Variants in ADAMTS13 observed in about 807,000 individuals in gnomAD.
ADAMTS13 encodes A disintegrin and metalloproteinase with thrombospondin motifs 13.
Under a neutral mutation model 155.1 loss-of-function variants are expected in ADAMTS13, and 110 were observed. The ratio of observed to expected loss-of-function variants is 0.71; its 90% CI spans 0.61 to 0.83. The LOEUF (loss-of-function observed/expected upper bound fraction) is 0.83, where lower values mean the gene tolerates loss of function less well. Ranked by LOEUF, ADAMTS13 falls within the 40% of genes least tolerant of loss-of-function variation. The pLI is 0.00. For synonymous variants in ADAMTS13, 758 were observed against 756.4 expected, an observed-to-expected ratio of 1.00 and a Z score of -0.03; for missense variants, 1,707 against 1,891.7, an observed-to-expected ratio of 0.90 and a Z score of 1.81.
chr9:133,430,896 G>A (rs1840709563), intron 8 of ADAMTS13, among the ~76,000 whole-genome samples: 1 of 151,982 alleles, frequency 6.6e-6, no homozygotes, highest in East Asian at 1.9e-4. Flanking sequence ...TCCTGACCTC[G>A]TGATCCGCCC....
Position 133,449,923 on chromosome 9 carries a change from C to T in ADAMTS13, c.3002C>T (p.Pro1001Leu), listed in dbSNP as rs782536497. ...ACCCAGTGCCAGGGGCTGCCTCGCC[C>T]GGAACCCCAGGAGGCCTGCAGCCTG... ...LDTQCQGLPR[P>L]EPQEACSLEP... The change falls in exon 23 of 29, where the codon CCG (proline) becomes CTG (leucine). Residue 1001 changes from proline (P) to leucine (L), a missense_variant. This residue lies in a region of ADAMTS13 where 961 missense variants were observed against 1,107.9 expected (regional missense o/e 0.87). Transcript: ENST00000355699. 9.3e-6 allele frequency: 15 copies of T among 1,611,840 alleles called. No homozygotes were observed. The highest frequency in any genetic ancestry group is 4.5e-5 in the East Asian group (2 of 44,858).
rs1554787819 is a variant in ADAMTS13 at position 133,432,646 on chromosome 9, G to T, written c.1046G>T (p.Arg349Leu). The T allele has an allele frequency of 6.4e-7, 1 of 1,559,728 alleles. No individual in the cohort carries two copies. The highest frequency in any genetic ancestry group is 1.2e-5 in the South Asian group (1 of 84,780). ...CCGCTGGACCAAAGCAGCTGCAGCCGCCTCCTCGTTCCTCTCCTGGATGGG... is the reference window on the plus strand; with the variant it reads ...CCGCTGGACCAAAGCAGCTGCAGCCTCCTCCTCGTTCCTCTCCTGGATGGG... ...TDPLDQSSCS[R>L]LLVPLLDGTE... Residue 349 changes from arginine (R) to leucine (L), a missense_variant, in exon 9 of 29, where the codon CGC (arginine) becomes CTC (leucine). By Grantham distance (102) the Arg-to-Leu change is moderately radical (BLOSUM62 -2). Transcript: ENST00000355699.
chr9:133,452,994 G>A (rs1842524872), intron 23 of ADAMTS13, among the ~76,000 whole-genome samples: 1 of 152,136 alleles, frequency 6.6e-6, no homozygotes. Context: ...GTGGCCCAGT[G>A]CCCTCCCTGA....
chr9:133,440,285 G>T lies in ADAMTS13; in HGVS notation c.1787-59G>T. 6.2e-7 allele frequency: 1 copy of T among 1,607,024 alleles called. No homozygotes were observed. The highest frequency in any genetic ancestry group is 1.7e-5 in the Admixed American group (1 of 60,026). On this transcript the variant is annotated intron_variant, in intron 15 of 28. Transcript: ENST00000355699. The surrounding 1 kb of genome is among the most constrained non-coding windows in gnomAD (Gnocchi z 4.3). ...CCGGGAAGGAGAGTCACTGACATGT[G>T]CCTGTGAGGAGGATGGGTGCTCAGC...
At chr9:133,423,242 T>G (rs1554784114) in intron 2 of ADAMTS13, 75 bp downstream of exon 2, 1 of 1,419,102 alleles carries the variant, frequency 7.0e-7, no homozygotes, top group African/African-American at 1.4e-5. Flanking sequence ...ACTGAGTCAG[T>G]GGTCTGGGAT....
intron 7 of ADAMTS13, among the ~76,000 whole-genome samples, chr9:133,429,184 ACCC>A (rs1840528442): frequency 1.9e-4 from 1 of 5,344 alleles, no homozygotes; most frequent in African/African-American, 7.8e-4. Context: ...CCCCCGTCCC[ACCC>A]ACCTGCCCCA....
In ADAMTS13 at chr9:133,435,590, C is replaced by T. The variant is rs143098080; in HGVS notation, c.1309-1239C>T. Among the ~76,000 whole-genome samples the T allele has an allele frequency of 4.6e-3, 692 of 149,624 alleles. 5 individuals are homozygous for T. Among genetic ancestry groups the T allele is most frequent in the African/African-American group, 0.016 (652 of 40,526 alleles). On this transcript the variant is annotated intron_variant, in intron 11 of 28. Transcript: ENST00000355699. ...TGTCGCCCAAGCTGGAGTGCGGTGG[C>T]GCGATCTCGGCTCACTCTAAGCTCC...
chr9:133,419,186 G>A (rs1035738143), upstream of ADAMTS13, among the ~76,000 whole-genome samples: 1 of 152,192 alleles, frequency 6.6e-6, no homozygotes, highest in Non-Finnish European at 1.5e-5. Flanking sequence ...AGAGGTTGAT[G>A]GAGTAACAGG....
chr9:133,431,348 A>T (rs587691940), intron 8 of ADAMTS13, among the ~76,000 whole-genome samples: 4 of 143,544 alleles, frequency 2.8e-5, no homozygotes, highest in Non-Finnish European at 6.0e-5. Context: ...TTTTTTTGAG[A>T]CAGAGTCTCA....
intron 23 of ADAMTS13, among the ~76,000 whole-genome samples, chr9:133,452,375 C>CT (rs1048779124): frequency 4.6e-5 from 7 of 151,122 alleles, no homozygotes; most frequent in Non-Finnish European, 8.9e-5. Context: ...GTTTTTTGTG[C>CT]TTTTTTTTTC....
At chr9:133,450,579 A>G (rs987338699) in intron 23 of ADAMTS13, among the ~76,000 whole-genome samples, 2 of 151,526 alleles carry the variant, frequency 1.3e-5, no homozygotes, top group African/African-American at 4.8e-5. Context: ...AAAAAAAAAA[A>G]AAAAAGAAAA....
intron 14 of ADAMTS13, among the ~76,000 whole-genome samples, chr9:133,438,963 C>T (rs1292749593): frequency 6.6e-6 from 1 of 151,716 alleles, no homozygotes; most frequent in East Asian, 1.9e-4. Context: ...CAGCTACCCT[C>T]TTCTCTCCTG....
At chr9:133,430,719 G>A (rs587663636) in intron 8 of ADAMTS13, among the ~76,000 whole-genome samples, 1 of 140,964 alleles carries the variant, frequency 7.1e-6, no homozygotes, top group Non-Finnish European at 1.5e-5. Flanking sequence ...TTGAGACAGA[G>A]TCTCCCTCTC....
rs782657509 is a variant in ADAMTS13 at position 133,433,642 on chromosome 9, C to T, written c.1246C>T (p.Pro416Ser). 16 of 1,614,038 alleles carry T rather than the reference C, an allele frequency of 9.9e-6. No individual in the cohort carries two copies. Among genetic ancestry groups the T allele is most frequent in the Non-Finnish European group, 1.4e-5 (16 of 1,180,012 alleles). The change falls in exon 11 of 29, where the codon CCT (proline) becomes TCT (serine). Residue 416 changes from proline (P) to serine (S), a missense_variant and splice_region_variant. Physicochemically the swap from Pro to Ser is moderately conservative, Grantham distance 74 (BLOSUM62 -1). Around this residue, in one of 3 missense-constraint regions of ADAMTS13, gnomAD observed 733 missense variants for 749.6 expected, o/e 0.98. Coordinates refer to ENST00000355699, the MANE Select transcript of ADAMTS13 (RefSeq NM_139027.6). ...CTCCTGTCTGCTGGGCATTTTCAGACCTGCCTTTGGGGGGCGTGCATGTGT... is the reference window on the plus strand; with the variant it reads ...CTCCTGTCTGCTGGGCATTTTCAGATCTGCCTTTGGGGGGCGTGCATGTGT... ...TRRRQCNNPR[P>S]AFGGRACVGA...
chr9:133,437,812 A>C lies in ADAMTS13; in HGVS notation c.1499A>C (p.Asp500Ala), dbSNP rs149706655. Reference protein sequence around the residue: ...IGESFIMKRGDSFLDGTRCMP... With the variant: ...IGESFIMKRGASFLDGTRCMP... ...GAGAGCTTCATCATGAAGCGTGGAG[A>C]CAGCTTCCTCGATGGGACCCGGTGT... Residue 500 changes from aspartate (D) to alanine (A), a missense_variant, in exon 13 of 29, where the codon GAC (aspartate) becomes GCC (alanine). This residue lies in a region of ADAMTS13 where 733 missense variants were observed against 749.6 expected (regional missense o/e 0.98). Transcript: ENST00000355699. 1.2e-4 allele frequency: 189 copies of C among 1,613,938 alleles called. 1 individual carries two copies. In the African/African-American group the frequency reaches 2.2e-3, roughly 19 times the overall value.
upstream of ADAMTS13, chr9:133,422,151 C>T: frequency 1.9e-6 from 1 of 517,234 alleles, no homozygotes. Flanking sequence ...GCTTAGGCCT[C>T]CTCTAAGGGG....
intron 6 of ADAMTS13, among the ~76,000 whole-genome samples, chr9:133,427,014 G>A (rs951968472): frequency 4.6e-5 from 7 of 152,126 alleles, no homozygotes; most frequent in African/African-American, 1.7e-4. Context: ...TGTTGGTCAG[G>A]CTGGTCTCGA....
At chr9:133,436,782 G>GCCCCCCCC in intron 11 of ADAMTS13, 47 bp from the exon 12 acceptor site, 2 of 653,244 alleles carry the variant, frequency 3.1e-6, no homozygotes, top group Admixed American at 8.5e-5. Flanking sequence ...GACAACACCC[G>GCCCCCCCC]CCCCCCGCCC....
At position 133,456,341 on chromosome 9, in the gene ADAMTS13, C is replaced by G; in HGVS notation, c.3547+126C>G. On this transcript the variant is annotated intron_variant, in intron 26 of 28. Coordinates refer to ENST00000355699, the MANE Select transcript of ADAMTS13 (RefSeq NM_139027.6). This position sits in a 1 kb window ranked among gnomAD's most constrained non-coding sequence, Gnocchi z 4.4. ...CCCACCTGTAGTTTGCATCCCATCT[C>G]ATGACTGGGGAGTGATGATCTGCAT... 6 of 1,487,104 alleles carry G rather than the reference C, an allele frequency of 4.0e-6. No individual in the cohort carries two copies. Among genetic ancestry groups the G allele is most frequent in the Non-Finnish European group, 5.5e-6 (6 of 1,088,854 alleles). 92.1% of individuals were successfully genotyped at this position (1,487,104 alleles called of 1,614,324 possible).
Sources: allele counts gnomAD v4.1 joint callset (sites outside exome capture counted in the v4.1 genomes callset), GRCh38; gene constraint gnomAD v4.1.1; regional missense constraint gnomAD v4.1.1; non-coding constraint Gnocchi (gnomAD v3.1); transcripts MANE v1.5; gene names NCBI Gene and HGNC (gene_info 2026-07-23, HGNC 2026-07-21).